Variants in LILRB5 observed in about 807,000 individuals in gnomAD.
The protein encoded by LILRB5 is leukocyte immunoglobulin like receptor B5.
Under a neutral mutation model 68.4 loss-of-function variants are expected in LILRB5, and 61 were observed. The observed-to-expected ratio is 0.89, with a 90% CI of 0.73 to 1.10. The LOEUF (loss-of-function observed/expected upper bound fraction) is 1.10. LILRB5 is among the 50% of genes least tolerant of loss of function. The probability of loss-of-function intolerance (pLI) is 0.00; values close to 1 mark genes in which losing one functional copy is unlikely to be tolerated. For missense variants in LILRB5, 771 were observed against 751.6 expected (o/e 1.03, Z -0.30); for synonymous variants, 356 against 315.8 (o/e 1.13, Z -1.35).
rs1475981951 is a variant in LILRB5 at position 54,254,375 on chromosome 19, G to A, written c.1296C>T (p.Thr432=). ...GDPSLSPTGS[T]PTPAGPEDQP... ...GCCTCAGTGACTCACCAGGTGTGGG[G>A]GTGGAGCCTGTAGGTGAGAGGCTGG... The change falls in exon 7 of 13, where the codon ACC becomes ACT. Residue 432 remains threonine (T), a synonymous_variant. Transcript: ENST00000449561. The A allele has an allele frequency of 7.6e-6, 12 of 1,582,172 alleles. No individual in the cohort carries two copies. Among genetic ancestry groups the A allele is most frequent in the Admixed American group, 1.8e-5 (1 of 55,030 alleles).
intron 8 of LILRB5, chr19:54,253,716 C>T: frequency 9.6e-7 from 1 of 1,037,476 alleles, no homozygotes; most frequent in Non-Finnish European, 1.4e-6. Context: ...GACCCGCAGC[C>T]CTTGTTCTCT....
chr19:54,254,609 C>G (rs770926122), intron 6 of LILRB5, 126 bp downstream of exon 6: 8 of 1,321,846 alleles, frequency 6.1e-6, no homozygotes, highest in Non-Finnish European at 8.5e-6. Context: ...GGTGAGTCTC[C>G]CTCTGGCTGA....
In LILRB5 at chr19:54,254,151, A is replaced by C. The variant is rs1022908858; in HGVS notation, c.1307-83T>G. 3 of 1,541,494 alleles carry C rather than the reference A, an allele frequency of 1.9e-6. No individual in the cohort carries two copies. The African/African-American group carries it at 4.1e-5, about 21-fold the overall frequency. ...CTGCTCCTCCCCCAGGCTGGGCCCC[A>C]ACACCCAACATCTCTCTCTGCCTCG... is the stretch of plus-strand genomic sequence containing the variant. On this transcript the variant is annotated intron_variant, in intron 7 of 12. Transcript: ENST00000449561.
At position 54,252,063 on chromosome 19, in the gene LILRB5, C is replaced by G; in HGVS notation, c.1620G>C (p.Met540Ile). Reference protein sequence around the residue: ...KDTQPKDGVEMDAPAAASEAP... With the variant: ...KDTQPKDGVEIDAPAAASEAP... Reference sequence around the variant, plus strand: ...AGGGGCGGGGCCTCACCGGAGCATCCATCTCCACCCCGTCCTTGGGCTGTG... The same window carrying G: ...AGGGGCGGGGCCTCACCGGAGCATCGATCTCCACCCCGTCCTTGGGCTGTG... Residue 540 changes from methionine to isoleucine, a missense_variant, in exon 12 of 13, where the codon ATG becomes ATC. Transcript: ENST00000449561. 1 of 1,613,944 alleles carries G rather than the reference C, an allele frequency of 6.2e-7. No homozygotes were observed.
In LILRB5 at chr19:54,252,394, T is replaced by A. The variant is rs781148904; in HGVS notation, c.1548A>T (p.Pro516=). 1.9e-6 allele frequency: 3 copies of A among 1,614,058 alleles called. No individual in the cohort carries two copies. The highest frequency in any genetic ancestry group is 2.5e-6 in the Non-Finnish European group (3 of 1,180,000). Residue 516 remains proline (P), a synonymous_variant, in exon 11 of 13, where the codon CCA becomes CCT. Transcript: ENST00000449561. ...KDQGLQKRAS[P]VADIQEEILN... ...GAATTTCCTCCTGGATGTCAGCAACTGGGCTGGCCCTGGGGGAGGACACGG... is the reference window on the plus strand; with the variant it reads ...GAATTTCCTCCTGGATGTCAGCAACAGGGCTGGCCCTGGGGGAGGACACGG...
intron 8 of LILRB5, 156 bp downstream of exon 8, chr19:54,253,862 T>C (rs2079034353): frequency 6.6e-7 from 1 of 1,510,132 alleles, no homozygotes. Flanking sequence ...ATCCCATCAA[T>C]GCAGGCCTCT....
Position 54,254,881 on chromosome 19 carries a change from T to C in LILRB5, c.1109A>G (p.Lys370Arg). The C allele has an allele frequency of 6.2e-7, 1 of 1,614,112 alleles. No individual in the cohort carries two copies. ...AGCCTGGTGTCTATAAGACTGGTACTTTGACTTTAGACACAGCGGGGGATG... is the reference window on the plus strand; with the variant it reads ...AGCCTGGTGTCTATAAGACTGGTACCTTGACTTTAGACACAGCGGGGGATG... Reference protein sequence around the residue: ...AAHPPLCLKSKYQSYRHQAEF... With the variant: ...AAHPPLCLKSRYQSYRHQAEF... Residue 370 changes from lysine (K) to arginine (R), a missense_variant, in exon 6 of 13, where the codon AAG (lysine) becomes AGG (arginine). Physicochemically the swap from Lys to Arg is conservative, Grantham distance 26. Transcript: ENST00000449561.
At position 54,255,503 on chromosome 19, in the gene LILRB5, G is replaced by A. The variant is rs780127314; in HGVS notation, c.735C>T (p.Arg245=). 7.4e-6 allele frequency: 12 copies of A among 1,613,882 alleles called. No homozygotes were observed. The highest frequency in any genetic ancestry group is 9.3e-6 in the Non-Finnish European group (11 of 1,179,944). The change falls in exon 5 of 13, where the codon CGC becomes CGT. Residue 245 remains arginine (R), a synonymous_variant. Coordinates refer to ENST00000449561, the MANE Select transcript of LILRB5 (RefSeq NM_001081442.3). The stretch of plus-strand genomic sequence containing the variant: ...CGAATATGTCATAGCCGACATCAGA[G>A]CGACACTGCAGGGTCAGGCTGCCTC... ...ARGGSLTLQC[R]SDVGYDIFVL... is the part of the protein sequence containing the mutation.
rs189712762 is a variant in LILRB5 at position 54,254,160 on chromosome 19, C to T, written c.1307-92G>A. On this transcript the variant is annotated intron_variant, in intron 7 of 12. Coordinates refer to ENST00000449561, the MANE Select transcript of LILRB5 (RefSeq NM_001081442.3). ...CCCCAGGCTGGGCCCCAACACCCAA[C>T]ATCTCTCTCTGCCTCGACGCCCGCC... 39 of 1,536,222 alleles carry T rather than the reference C, an allele frequency of 2.5e-5. No homozygotes were observed. The African/African-American group carries it at 4.8e-4, about 19-fold the overall frequency.
rs2079116000 is a variant in LILRB5, at chr19:54,255,647, CCTGGCG to C, written c.656-71_656-66del. 4 of 1,497,528 alleles carry C rather than the reference CCTGGCG, an allele frequency of 2.7e-6. No homozygotes were observed. In the African/African-American group the frequency reaches 5.5e-5, roughly 21 times the overall value. The allele number at this position is 1,497,528 out of a possible 1,614,324, so 92.8% of individuals were successfully genotyped here. On this transcript the variant is annotated intron_variant, in intron 4 of 12. Coordinates refer to ENST00000449561, the MANE Select transcript of LILRB5 (RefSeq NM_001081442.3). ...CTCCCCCGCCCCTTCCTTCTCCCGTCCTGGCGTCCTGGCCCTGCAGGTCTCACTGTC... is the reference window on the plus strand; with the variant it reads ...CTCCCCCGCCCCTTCCTTCTCCCGTCTCCTGGCCCTGCAGGTCTCACTGTC...
In LILRB5 at chr19:54,256,610, T is replaced by C. The variant is rs565239916; in HGVS notation, c.234A>G (p.Gly78=). The C allele has an allele frequency of 8.7e-6, 14 of 1,614,130 alleles. No individual in the cohort carries two copies. The Admixed American group carries it at 1.2e-4, about 13-fold the overall frequency. ...ARKRQNPLEP[G]AKAKFHIPST... ...ATGGAATGTGGAACTTGGCCTTGGC[T>C]CCAGGCTCCAGTGGGTTCTGTCTCT... is the stretch of plus-strand genomic sequence containing the variant. The change falls in exon 3 of 13, where the codon GGA becomes GGG. Residue 78 remains glycine (G), a synonymous_variant. Coordinates refer to ENST00000449561, the MANE Select transcript of LILRB5 (RefSeq NM_001081442.3).
At chr19:54,251,940 G>C (rs1176681243) in intron 12 of LILRB5, 114 bp downstream of exon 12, 5 of 1,100,256 alleles carry the variant, frequency 4.5e-6, no homozygotes, top group Non-Finnish European at 7.0e-6. Flanking sequence ...GCTGGACAAG[G>C]AGGGGTCCAC....
chr19:54,249,495 A>C lies in LILRB5; in HGVS notation c.*1291T>G, dbSNP rs1420485573. The C allele has an allele frequency of 1.3e-5, 2 of 152,244 alleles. No individual in the cohort carries two copies. The highest frequency in any genetic ancestry group is 2.4e-5 in the African/African-American group (1 of 41,458). 9.4% of individuals were successfully genotyped at this position (152,244 alleles called of 1,614,324 possible). Reference sequence around the variant, plus strand: ...TTCCTTCGAGGACAAGACACAGTGAAGCACCAATTATGAAATTAGAAAACA... The same window carrying C: ...TTCCTTCGAGGACAAGACACAGTGACGCACCAATTATGAAATTAGAAAACA... On this transcript the variant is annotated 3_prime_UTR_variant, in exon 13 of 13. Coordinates refer to ENST00000449561, the MANE Select transcript of LILRB5 (RefSeq NM_001081442.3).
At chr19:54,254,583 CT>C in intron 6 of LILRB5, 151 bp downstream of exon 6, 1 of 1,231,234 alleles carries the variant, frequency 8.1e-7, no homozygotes, top group Non-Finnish European at 1.2e-6. Flanking sequence ...CCCCGTTGTC[CT>C]CCTCCCCTCT....
At chr19:54,253,166 C>T in intron 8 of LILRB5, 179 bp from the exon 9 acceptor site, 1 of 295,448 alleles carries the variant, frequency 3.4e-6, no homozygotes, top group Non-Finnish European at 6.9e-6. Context: ...GGGGAATCGC[C>T]TGCCCCAGGC....
Position 54,250,699 on chromosome 19 carries a change from C to T in LILRB5, c.*87G>A. Reference sequence around the variant, plus strand: ...TTAGGGGTCCAGGCTGGCTGGGGTTCATTGGTGTCCACTGGGGGCAGCTCC... The same window carrying T: ...TTAGGGGTCCAGGCTGGCTGGGGTTTATTGGTGTCCACTGGGGGCAGCTCC... On this transcript the variant is annotated 3_prime_UTR_variant, in exon 13 of 13. Coordinates refer to ENST00000449561, the MANE Select transcript of LILRB5 (RefSeq NM_001081442.3). 1 of 1,558,710 alleles carries T rather than the reference C, an allele frequency of 6.4e-7. No homozygotes were observed.
intron 7 of LILRB5, 71 bp downstream of exon 7, chr19:54,254,294 C>A (rs1236711315): frequency 1.3e-6 from 2 of 1,516,650 alleles, no homozygotes; most frequent in South Asian, 1.2e-5. Context: ...GGAATAGGAT[C>A]CTCGGGGAGA....
At chr19:54,255,929 C>A (rs1382989311) in intron 4 of LILRB5, 114 bp downstream of exon 4, 1 of 898,594 alleles carries the variant, frequency 1.1e-6, no homozygotes, top group Non-Finnish European at 1.7e-6. Context: ...ACGCCTTCAG[C>A]CCATCCATCA....
rs138925824 is a variant in LILRB5 at position 54,256,501 on chromosome 19, G to T, written c.343C>A (p.Leu115Met). ...AGTGTCCTCTCACCTGTCGCCACCA[G>T]CTCCAGGGGGTCACTGGGCTCTGAC... ...GWSEPSDPLELVATGFYAEPT... is the reference protein window; with the variant it reads ...GWSEPSDPLEMVATGFYAEPT... The change falls in exon 3 of 13, where the codon CTG (leucine) becomes ATG (methionine). Residue 115 changes from leucine (L) to methionine (M), a missense_variant. Coordinates refer to ENST00000449561, the MANE Select transcript of LILRB5 (RefSeq NM_001081442.3). 10 of 1,613,846 alleles carry T rather than the reference G, an allele frequency of 6.2e-6. No individual in the cohort carries two copies. Among genetic ancestry groups the T allele is most frequent in the Non-Finnish European group, 8.5e-6 (10 of 1,179,914 alleles).
Sources: allele counts gnomAD v4.1 joint callset, GRCh38; gene constraint gnomAD v4.1.1; transcripts MANE v1.5; gene names NCBI Gene and HGNC (gene_info 2026-07-23, HGNC 2026-07-21).